The following ASTN1 variants were observed in gnomAD, a reference collection of about 807,000 sequenced individuals.
The protein encoded by ASTN1 is astrotactin-1.
In ASTN1, 41 loss-of-function variants were observed where a neutral mutation model predicts 140.7. The ratio of observed to expected loss-of-function variants is 0.29; its 90% CI spans 0.23 to 0.38. The LOEUF (loss-of-function observed/expected upper bound fraction) is 0.38, where lower values mean the gene tolerates loss of function less well. ASTN1 is among the 10% of genes least tolerant of loss of function. The pLI is 1.00. For synonymous variants in ASTN1, 640 were observed against 652.2 expected (o/e 0.98, Z 0.29); for missense variants, 1,479 against 1,678.8 (o/e 0.88, Z 2.08).
At chr1:177,138,066 C>A (rs1682284097) in intron 1 of ASTN1, among the ~76,000 whole-genome samples, 1 of 152,110 alleles carries the variant, frequency 6.6e-6, no homozygotes, top group African/African-American at 2.4e-5. Context: ...ACCCCCTTGC[C>A]AATAACCAAA....
chr1:176,939,072 A>G (rs1026235789), intron 14 of ASTN1, among the ~76,000 whole-genome samples: 4 of 151,944 alleles, frequency 2.6e-5, no homozygotes, highest in Non-Finnish European at 5.9e-5. Flanking sequence ...AGCTCACGCC[A>G]TTGCACTCCA....
At chr1:176,926,213 G>A (rs898643801) in intron 16 of ASTN1, among the ~76,000 whole-genome samples, 1 of 151,046 alleles carries the variant, frequency 6.6e-6, no homozygotes, top group Non-Finnish European at 1.5e-5. Context: ...AATGGGGAGG[G>A]TAAGACTTAA....
intron 8 of ASTN1, among the ~76,000 whole-genome samples, chr1:176,978,006 G>C (rs1673439220): frequency 6.6e-6 from 1 of 152,198 alleles, no homozygotes; most frequent in South Asian, 2.1e-4. Context: ...TCCTGTTCAA[G>C]GGTCATGGAA....
chr1:177,042,509 TTC>T (rs1395917455), intron 2 of ASTN1, among the ~76,000 whole-genome samples: 1 of 152,224 alleles, frequency 6.6e-6, no homozygotes, highest in East Asian at 1.9e-4. Flanking sequence ...TCCTGCCTCA[TTC>T]TGTTAGTCTA....
At chr1:176,988,228 C>T (rs1673994177) in intron 8 of ASTN1, among the ~76,000 whole-genome samples, 1 of 150,040 alleles carries the variant, frequency 6.7e-6, no homozygotes, top group Non-Finnish European at 1.5e-5. Context: ...GGGAGGTCAC[C>T]CAGGGGAAAT....
At chr1:176,860,397 A>T (rs1667927316), downstream of ASTN1, among the ~76,000 whole-genome samples, 1 of 152,216 alleles carries the variant, frequency 6.6e-6, no homozygotes, top group Admixed American at 6.5e-5. Flanking sequence ...TATTAAGTCC[A>T]GGCACTTACC....
chr1:176,942,663 C>A (rs187048343), intron 14 of ASTN1, among the ~76,000 whole-genome samples: 1 of 151,072 alleles, frequency 6.6e-6, no homozygotes, highest in Non-Finnish European at 1.5e-5. Context: ...TATCTGATTG[C>A]CTCCTTTGGA....
At chr1:176,911,845 C>A (rs1670255220) in intron 16 of ASTN1, among the ~76,000 whole-genome samples, 1 of 152,182 alleles carries the variant, frequency 6.6e-6, no homozygotes, top group African/African-American at 2.4e-5. Context: ...ACGTACTGTA[C>A]ATAATTGTGT....
intron 3 of ASTN1, among the ~76,000 whole-genome samples, chr1:177,031,878 C>T (rs1348593003): frequency 6.6e-6 from 1 of 152,198 alleles, no homozygotes; most frequent in African/African-American, 2.4e-5. Flanking sequence ...TTCTTCCAGT[C>T]AGTGTCTCCA....
chr1:177,069,663 A>G (rs992330171), intron 1 of ASTN1, among the ~76,000 whole-genome samples: 3 of 152,314 alleles, frequency 2.0e-5, no homozygotes, highest in Admixed American at 1.3e-4. Context: ...AGCCATGGAG[A>G]TGAAAACATT....
At chr1:177,088,814 A>AAAC (rs1300275212) in intron 1 of ASTN1, among the ~76,000 whole-genome samples, 2 of 152,164 alleles carry the variant, frequency 1.3e-5, no homozygotes, top group Non-Finnish European at 2.9e-5. Context: ...AAATATATGC[A>AAAC]AACACATATG....
At chr1:176,965,338 T>A in intron 8 of ASTN1, 101 bp from the exon 9 acceptor site, 1 of 1,156,006 alleles carries the variant, frequency 8.7e-7, no homozygotes, top group Non-Finnish European at 1.3e-6. Context: ...CACCCAGCCA[T>A]CCAGGGCATA....
At chr1:177,011,003 T>C (rs1262195968) in intron 8 of ASTN1, among the ~76,000 whole-genome samples, 1 of 152,144 alleles carries the variant, frequency 6.6e-6, no homozygotes, top group Non-Finnish European at 1.5e-5. Context: ...GGGTCTAGTA[T>C]GGGAGCTTTA....
intron 1 of ASTN1, among the ~76,000 whole-genome samples, chr1:177,159,297 T>A (rs995823226): frequency 6.6e-6 from 1 of 152,172 alleles, no homozygotes; most frequent in African/African-American, 2.4e-5. Flanking sequence ...GTTATATAAG[T>A]GCTGAAGAAC....
intron 1 of ASTN1, among the ~76,000 whole-genome samples, chr1:177,085,490 TC>T (rs1679421281): frequency 1.3e-5 from 2 of 152,184 alleles, no homozygotes; most frequent in Admixed American, 6.5e-5. Context: ...TATAACTGGA[TC>T]CCCTATGGTC....
At chr1:177,047,455 TA>T (rs1315310228) in intron 2 of ASTN1, among the ~76,000 whole-genome samples, 1 of 152,166 alleles carries the variant, frequency 6.6e-6, no homozygotes, top group Non-Finnish European at 1.5e-5. Context: ...ATGAAAGGTT[TA>T]ACACCCTGGA....
chr1:177,077,750 T>C (rs1678985475), intron 1 of ASTN1, among the ~76,000 whole-genome samples: 1 of 152,154 alleles, frequency 6.6e-6, no homozygotes, highest in Non-Finnish European at 1.5e-5. Flanking sequence ...TCAACTGCCC[T>C]CTCTGGGGTA....
At chr1:176,926,927 G>A (rs1443899955) in intron 16 of ASTN1, among the ~76,000 whole-genome samples, 3 of 152,186 alleles carry the variant, frequency 2.0e-5, no homozygotes, top group Non-Finnish European at 4.4e-5. Context: ...GCTGATTGCT[G>A]ATTCAGCTGT....
chr1:176,967,847 G>A (rs976541994), intron 8 of ASTN1, among the ~76,000 whole-genome samples: 1 of 152,156 alleles, frequency 6.6e-6, no homozygotes, highest in East Asian at 1.9e-4. Context: ...ATGTAGAGGA[G>A]TGCAGCGTAG....
Sources: allele counts gnomAD v4.1 joint callset (sites outside exome capture counted in the v4.1 genomes callset), GRCh38; gene constraint gnomAD v4.1.1; transcripts MANE v1.5; gene names NCBI Gene and HGNC (gene_info 2026-07-23, HGNC 2026-07-21).